NAV2: variants seen among roughly 807,000 people sequenced by gnomAD.
The protein encoded by NAV2 is neuron navigator 2.
A neutral mutation model predicts 223.2 loss-of-function variants in NAV2; 54 were observed. That is an observed-to-expected ratio of 0.24 (90% CI 0.19 to 0.30). The LOEUF is 0.30. Ranked by LOEUF, NAV2 falls within the 10% of genes least tolerant of loss-of-function variation. The pLI is 1.00. For missense variants in NAV2, 2,806 were observed against 3,147.5 expected (o/e 0.89, Z 2.60); for synonymous variants, 1,279 against 1,239.3 (o/e 1.03, Z -0.67).
chr11:19,804,333 T>G (rs1236987472), intron 1 of NAV2, among the ~76,000 whole-genome samples: 2 of 152,340 alleles, frequency 1.3e-5, no homozygotes, highest in East Asian at 3.9e-4. Context: ...CATACCTCAG[T>G]GCAGTGGCAA....
intron 1 of NAV2, among the ~76,000 whole-genome samples, chr11:19,391,485 A>C (rs1849246010): frequency 6.6e-6 from 1 of 152,218 alleles, no homozygotes; most frequent in Non-Finnish European, 1.5e-5. Flanking sequence ...CAAGTATTTT[A>C]AACCTTATCA....
chr11:19,911,411 G>T (rs1038590752), intron 6 of NAV2, among the ~76,000 whole-genome samples: 1 of 152,176 alleles, frequency 6.6e-6, no homozygotes, highest in African/African-American at 2.4e-5. Context: ...GACATGGCAT[G>T]ATAGAGGGAA....
At position 19,916,247 on chromosome 11, in the gene NAV2, A is replaced by G. The variant is rs574199009; in HGVS notation, c.932-16929A>G. ...ATTTAACTGGAAGATAAATTATCCT[A>G]TTCCCAAATATCTTCCAAGGCTATA... is the stretch of plus-strand genomic sequence containing the variant. On this transcript the variant is annotated intron_variant, in intron 6 of 37. Transcript: ENST00000349880. Among the ~76,000 whole-genome samples the G allele has an allele frequency of 4.6e-5, 7 of 152,354 alleles. No individual in the cohort carries two copies. In the South Asian group the frequency reaches 1.0e-3, roughly 23 times the overall value.
At chr11:19,451,670 T>C (rs1213873912) in intron 1 of NAV2, among the ~76,000 whole-genome samples, 1 of 152,182 alleles carries the variant, frequency 6.6e-6, no homozygotes, top group East Asian at 1.9e-4. Flanking sequence ...GTCTGGAGAA[T>C]TGAAAGGCCT....
intron 1 of NAV2, among the ~76,000 whole-genome samples, chr11:19,371,229 T>A (rs963208393): frequency 1.3e-5 from 2 of 152,172 alleles, no homozygotes; most frequent in Admixed American, 6.5e-5. Context: ...TTCTGGAAGG[T>A]AGATACTGTT....
chr11:20,040,969 G>A (rs1466916476), intron 12 of NAV2, among the ~76,000 whole-genome samples: 1 of 152,180 alleles, frequency 6.6e-6, no homozygotes, highest in Non-Finnish European at 1.5e-5. Context: ...AGGGAGATGT[G>A]ATGGCTGGAT....
intron 11 of NAV2, among the ~76,000 whole-genome samples, chr11:20,009,960 A>G (rs2053428564): frequency 6.6e-6 from 1 of 151,660 alleles, no homozygotes; most frequent in Non-Finnish European, 1.5e-5. Context: ...AGTACCAAAT[A>G]CATCCTATTA....
chr11:20,043,881 C>A, intron 12 of NAV2, 100 bp from the exon 13 acceptor site: 1 of 1,035,926 alleles, frequency 9.7e-7, no homozygotes, highest in Non-Finnish European at 1.4e-6. Flanking sequence ...GCTTATTTTT[C>A]CCTTAACTAC....
chr11:20,088,689 C>T (rs768505140), intron 26 of NAV2, among the ~76,000 whole-genome samples: 18 of 152,258 alleles, frequency 1.2e-4, no homozygotes, highest in South Asian at 8.3e-4. Flanking sequence ...CGTTCCACAA[C>T]GTGAGTGCCA....
chr11:19,759,093 T>C (rs2054499229), intron 1 of NAV2, among the ~76,000 whole-genome samples: 1 of 3,288 alleles, frequency 3.0e-4, no homozygotes, highest in African/African-American at 8.2e-4. Context: ...AAAGACACTT[T>C]TTTTTTTTTT....
Position 20,055,959 on chromosome 11 carries a change from T to TAAGGAAGGA in NAV2, c.4831+10_4831+18dup, listed in dbSNP as rs774930192. 2.5e-6 allele frequency: 4 copies of TAAGGAAGGA among 1,612,324 alleles called. No individual in the cohort carries two copies. In the South Asian group the frequency reaches 4.4e-5, roughly 18 times the overall value. ...CATTCCGGGATGGGTTTGAAGAAGG[T>TAAGGAAGGA]AAGGAAGGAAAGGAAGAAGGTAAGG... On this transcript the variant is annotated splice_region_variant and intron_variant, in intron 19 of 37. Transcript: ENST00000349880.
At chr11:19,927,054 G>T (rs898050709) in intron 6 of NAV2, among the ~76,000 whole-genome samples, 1 of 152,202 alleles carries the variant, frequency 6.6e-6, no homozygotes, top group African/African-American at 2.4e-5. Flanking sequence ...GGTTAAGGCT[G>T]GTTGCCAGAA....
At chr11:19,872,388 C>T (rs1249286106) in intron 4 of NAV2, among the ~76,000 whole-genome samples, 1 of 152,200 alleles carries the variant, frequency 6.6e-6, no homozygotes, top group African/African-American at 2.4e-5. Flanking sequence ...AAAAAGGAGG[C>T]CCACAAGATC....
Position 19,933,089 on chromosome 11 carries a change from T to C in NAV2, c.932-87T>C. On this transcript the variant is annotated intron_variant, in intron 6 of 37. Coordinates refer to ENST00000349880, the MANE Select transcript of NAV2 (RefSeq NM_145117.5). The surrounding 1 kb of genome is among the most constrained non-coding windows in gnomAD (Gnocchi z 4.3). ...TATACGGCATTTGGGTTGGGAGTGA[T>C]TGGTTGTGTGGCCATGGCTGACCCT... The C allele has an allele frequency of 7.0e-7, 1 of 1,431,020 alleles. No homozygotes were observed. The highest frequency in any genetic ancestry group is 9.3e-7 in the Non-Finnish European group (1 of 1,080,648). The allele number at this position is 1,431,020 out of a possible 1,614,324, so 88.6% of individuals were successfully genotyped here. A position where few individuals can be genotyped will look rare whatever the true frequency, so the allele number is the denominator to read the frequency against.
chr11:20,057,112 G>A (rs993321853), intron 19 of NAV2, among the ~76,000 whole-genome samples: 1 of 152,116 alleles, frequency 6.6e-6, no homozygotes, highest in African/African-American at 2.4e-5. Context: ...AGCAGAATGT[G>A]GAGGGTGAGT....
At chr11:19,940,596 T>A (rs562963030) in intron 8 of NAV2, among the ~76,000 whole-genome samples, 33 of 152,310 alleles carry the variant, frequency 2.2e-4, no homozygotes, top group Admixed American at 5.9e-4. Context: ...ACTTCCACAG[T>A]CGGGTTAAAA....
In NAV2 at chr11:19,998,997, A is replaced by T. The variant is rs2052257413; in HGVS notation, c.2768+14750A>T. Among the ~76,000 whole-genome samples, 1 of 152,202 alleles carries T rather than the reference A, an allele frequency of 6.6e-6. No individual in the cohort carries two copies. The highest frequency in any genetic ancestry group is 2.1e-4 in the South Asian group (1 of 4,830). On this transcript the variant is annotated intron_variant, in intron 11 of 37. Coordinates refer to ENST00000349880, the MANE Select transcript of NAV2 (RefSeq NM_145117.5). This position sits in a 1 kb window ranked among gnomAD's most constrained non-coding sequence, Gnocchi z 5.0. ...CTCTCCCAGCACAGGGCCCGTCCAGAGAGGGTGCTTATTACATATACCATG... is the reference window on the plus strand; with the variant it reads ...CTCTCCCAGCACAGGGCCCGTCCAGTGAGGGTGCTTATTACATATACCATG...
intron 1 of NAV2, among the ~76,000 whole-genome samples, chr11:19,455,666 T>G (rs1851934625): frequency 6.6e-6 from 1 of 152,136 alleles, no homozygotes; most frequent in African/African-American, 2.4e-5. Context: ...GGTAAGTAAA[T>G]TGTCTCAGGA....
At chr11:19,861,227 T>C (rs960974790) in intron 3 of NAV2, among the ~76,000 whole-genome samples, 1 of 152,114 alleles carries the variant, frequency 6.6e-6, no homozygotes, top group Non-Finnish European at 1.5e-5. Context: ...TGGTGTGAAT[T>C]TGTTTATCAG....
Sources: allele counts gnomAD v4.1 joint callset (sites outside exome capture counted in the v4.1 genomes callset), GRCh38; gene constraint gnomAD v4.1.1; non-coding constraint Gnocchi (gnomAD v3.1); transcripts MANE v1.5; gene names NCBI Gene and HGNC (gene_info 2026-07-23, HGNC 2026-07-21).